The following COL11A1 variants were observed in gnomAD, a reference collection of about 807,000 sequenced individuals.
COL11A1 encodes the protein collagen alpha-1(XI) chain.
A neutral mutation model predicts 265.2 loss-of-function variants in COL11A1; 74 were observed. The observed-to-expected ratio is 0.28, with a 90% CI of 0.23 to 0.34. The LOEUF (loss-of-function observed/expected upper bound fraction) is 0.34, where lower values mean the gene tolerates loss of function less well. COL11A1 is among the 10% of genes least tolerant of loss of function. COL11A1 has a pLI of 1.00. For synonymous variants in COL11A1, 816 were observed against 727.6 expected (o/e 1.12, Z -1.96); for missense variants, 2,165 against 2,263.6 (o/e 0.96, Z 0.88).
At chr1:103,108,008 G>A (rs1261841274) in intron 1 of COL11A1, 65 bp downstream of exon 1, 1 of 1,139,190 alleles carries the variant, frequency 8.8e-7, no homozygotes, top group Non-Finnish European at 1.3e-6. Context: ...TAAAGTGGGG[G>A]GAGGGGCGCA....
intron 31 of COL11A1, among the ~76,000 whole-genome samples, chr1:102,980,947 CA>C (rs1311919876): frequency 6.6e-6 from 1 of 152,040 alleles, no homozygotes; most frequent in African/African-American, 2.4e-5. Flanking sequence ...TACCTACTCA[CA>C]GGAGGTAACT....
At chr1:102,910,882 T>C (rs911034501) in intron 54 of COL11A1, among the ~76,000 whole-genome samples, 1 of 125,384 alleles carries the variant, frequency 8.0e-6, no homozygotes, top group South Asian at 2.3e-4. Flanking sequence ...AGAAAAAAGA[T>C]AAAAAAAATG....
intron 30 of COL11A1, 150 bp downstream of exon 30, chr1:102,987,483 T>C: frequency 1.4e-6 from 1 of 722,244 alleles, no homozygotes; most frequent in South Asian, 1.6e-5. Flanking sequence ...GAAACGTAAA[T>C]GTAATGGTTG....
At chr1:102,958,274 C>T (rs977256611) in intron 41 of COL11A1, among the ~76,000 whole-genome samples, 3 of 151,896 alleles carry the variant, frequency 2.0e-5, no homozygotes, top group African/African-American at 7.3e-5. Context: ...ATTAACATTG[C>T]AAAGCAGAAC....
In COL11A1 at chr1:102,898,131, AC is replaced by A; in HGVS notation, c.4295del (p.Gly1432ValfsTer26). 1 of 1,555,574 alleles carries A rather than the reference AC, an allele frequency of 6.4e-7. No individual in the cohort carries two copies. Among genetic ancestry groups the A allele is most frequent in the South Asian group, 1.2e-5 (1 of 82,754 alleles). The part of the protein sequence containing the change: ...PGAAGQDGPP[G>X]PMGPPGLPGL... ...CTGAAAAGATCTTACTCACCATAGG[AC>A]CAGGTGGTCCATCTTGGCCTGCAGC... is the stretch of plus-strand genomic sequence containing the variant. On this transcript the variant is annotated frameshift_variant, in exon 57 of 67. Transcript: ENST00000370096. LOFTEE classifies it high-confidence loss of function.
chr1:102,897,443 A>ATAT (rs375119467), intron 57 of COL11A1, among the ~76,000 whole-genome samples: 1 of 150,334 alleles, frequency 6.7e-6, no homozygotes, highest in Non-Finnish European at 1.5e-5. Flanking sequence ...AAGAAAAAAA[A>ATAT]ATATATATAT....
chr1:103,100,406 A>G (rs1477647580), intron 1 of COL11A1: 1 of 151,954 alleles, frequency 6.6e-6, no homozygotes, highest in African/African-American at 2.4e-5. Context: ...AATCAAAGGA[A>G]CAAAACTAAT....
intron 36 of COL11A1, among the ~76,000 whole-genome samples, chr1:102,974,303 C>T (rs1317860720): frequency 6.6e-6 from 1 of 152,092 alleles, no homozygotes; most frequent in Non-Finnish European, 1.5e-5. Context: ...AAGTGTTGCT[C>T]TAAACACATT....
At chr1:103,026,068 G>T in intron 6 of COL11A1, 148 bp downstream of exon 6, 3 of 1,230,480 alleles carry the variant, frequency 2.4e-6, no homozygotes, top group Non-Finnish European at 2.4e-6. Context: ...CTTCAAAACG[G>T]CTACTGTCAA....
intron 43 of COL11A1, among the ~76,000 whole-genome samples, chr1:102,939,910 C>G (rs965169455): frequency 6.6e-6 from 1 of 152,078 alleles, no homozygotes; most frequent in Non-Finnish European, 1.5e-5. Flanking sequence ...TCTGTACTCA[C>G]ATGTTGGTAA....
intron 42 of COL11A1, among the ~76,000 whole-genome samples, chr1:102,943,452 T>TAC (rs199996712): frequency 0.012 from 985 of 79,430 alleles, 11 homozygotes; most frequent in African/African-American, 0.036. Context: ...CACACACACA[T>TAC]ACACACACAC....
intron 30 of COL11A1, among the ~76,000 whole-genome samples, chr1:102,985,883 C>T (rs1282088687): frequency 6.6e-6 from 1 of 152,034 alleles, no homozygotes. Context: ...TTTTCTTTTG[C>T]TGCCAAATCA....
intron 52 of COL11A1, 63 bp from the exon 53 acceptor site, chr1:102,913,753 T>C: frequency 1.4e-6 from 2 of 1,455,704 alleles, no homozygotes; most frequent in Non-Finnish European, 1.9e-6. Flanking sequence ...ACACTACTTA[T>C]CAGGAAAAAA....
intron 29 of COL11A1, 136 bp from the exon 30 acceptor site, chr1:102,987,876 T>A: frequency 1.4e-6 from 1 of 709,194 alleles, no homozygotes; most frequent in Non-Finnish European, 2.5e-6. Flanking sequence ...CTGCCCTTGA[T>A]CGTTCCTGGG....
chr1:102,974,985 CAGCTT>C (rs1662331216), intron 35 of COL11A1, 102 bp from the exon 36 acceptor site: 4 of 836,040 alleles, frequency 4.8e-6, no homozygotes, highest in Non-Finnish European at 8.2e-6. Flanking sequence ...ATGTATCATA[CAGCTT>C]CTTCATCACA....
intron 47 of COL11A1, 83 bp downstream of exon 47, chr1:102,923,253 T>C: frequency 1.8e-6 from 2 of 1,108,428 alleles, no homozygotes; most frequent in African/African-American, 1.6e-5. Context: ...TACATAGTAA[T>C]GAAAGAACAC....
intron 1 of COL11A1, among the ~76,000 whole-genome samples, chr1:103,093,097 T>A (rs1034814430): frequency 6.6e-6 from 1 of 152,110 alleles, no homozygotes; most frequent in African/African-American, 2.4e-5. Flanking sequence ...TTTAAAATCT[T>A]ATATTGAAAA....
chr1:102,888,606 T>A lies in COL11A1; in HGVS notation c.4579A>T (p.Ser1527Cys), dbSNP rs745798375. ...GACCCAGGAGGCCCTGGAAGACCACTGTCACCTTTCTGGCCAGCGGGTCCC... is the reference window on the plus strand; with the variant it reads ...GACCCAGGAGGCCCTGGAAGACCACAGTCACCTTTCTGGCCAGCGGGTCCC... The part of the protein sequence containing the change: ...STGPAGQKGD[S>C]GLPGPPGSPG... Residue 1527 changes from serine (S) to cysteine (C), a missense_variant, in exon 62 of 67, where the codon AGT becomes TGT. By Grantham distance (112) the Ser-to-Cys change is moderately radical. Transcript: ENST00000370096. 1 of 1,613,726 alleles carries A rather than the reference T, an allele frequency of 6.2e-7. No homozygotes were observed. Among genetic ancestry groups the A allele is most frequent in the South Asian group, 1.1e-5 (1 of 91,080 alleles).
At position 102,989,591 on chromosome 1, in the gene COL11A1, A is replaced by T. The variant is rs1391679756; in HGVS notation, c.2341-20T>A. The T allele has an allele frequency of 1.0e-5, 16 of 1,576,386 alleles. No individual in the cohort carries two copies. The East Asian group carries it at 3.6e-4, about 35-fold the overall frequency. The stretch of plus-strand genomic sequence containing the variant: ...TTCACCCTAAAACATTATAAAAGGA[A>T]TTAAATAGGAGTTTAATCAGTCCTT... On this transcript the variant is annotated intron_variant, in intron 28 of 66. Coordinates refer to ENST00000370096, the MANE Select transcript of COL11A1 (RefSeq NM_001854.4).
Sources: gnomAD v4.1 joint callset for allele counts (sites outside exome capture counted in the v4.1 genomes callset) on GRCh38, gnomAD v4.1.1 for gene constraint, MANE v1.5 for transcripts, NCBI Gene and HGNC (gene_info 2026-07-23, HGNC 2026-07-21) for gene names.